The following PROX1 variants were observed in gnomAD, a reference collection of about 807,000 sequenced individuals.
PROX1 encodes the protein prospero homeobox 1.
In PROX1, 7 loss-of-function variants were observed where a neutral mutation model predicts 58.8. The ratio of observed to expected loss-of-function variants is 0.12; its 90% CI spans 0.07 to 0.22. The LOEUF (loss-of-function observed/expected upper bound fraction) is 0.22. PROX1 is among the 10% of genes least tolerant of loss of function. The pLI, the probability that PROX1 is intolerant of heterozygous loss-of-function variation, is 1.00. For missense variants in PROX1, 675 were observed against 927.8 expected (o/e 0.73, Z 3.54); for synonymous variants, 350 against 358.3 (o/e 0.98, Z 0.26).
rs750998611 is a variant in PROX1, at chr1:213,996,892, A to G, written c.357A>G (p.Thr119=). The G allele has an allele frequency of 6.2e-7, 1 of 1,614,102 alleles. No individual in the cohort carries two copies. The highest frequency in any genetic ancestry group is 8.5e-7 in the Non-Finnish European group (1 of 1,180,018). The part of the protein sequence containing the change: ...PSFQASGLSS[T]GSEVHQEDIC... Reference sequence around the variant, plus strand: ...TCCAAGCCAGCGGTCTCTCTAGTACAGGCTCCGAAGTACATCAGGAGGATA... The same window carrying G: ...TCCAAGCCAGCGGTCTCTCTAGTACGGGCTCCGAAGTACATCAGGAGGATA... The change falls in exon 2 of 5, where the codon ACA becomes ACG. Residue 119 remains threonine (T), a synonymous_variant. Transcript: ENST00000366958.
upstream of PROX1, among the ~76,000 whole-genome samples, chr1:213,983,633 G>T (rs1017441914): frequency 6.6e-6 from 1 of 152,156 alleles, no homozygotes; most frequent in Non-Finnish European, 1.5e-5. Context: ...AAGATGGTGG[G>T]CAAGAGTGTT....
At chr1:214,026,517 G>A (rs1394565749) in intron 4 of PROX1, among the ~76,000 whole-genome samples, 2 of 152,130 alleles carry the variant, frequency 1.3e-5, no homozygotes, top group African/African-American at 4.8e-5. Flanking sequence ...ATTAAACGTA[G>A]AATAGAAGAT....
Position 214,039,863 on chromosome 1 carries a change from G to C in PROX1, c.*4029G>C, listed in dbSNP as rs1212183992. 2 of 151,394 alleles carry C rather than the reference G, an allele frequency of 1.3e-5. No homozygotes were observed. The highest frequency in any genetic ancestry group is 4.9e-5 in the African/African-American group (2 of 41,124). 9.4% of individuals were successfully genotyped at this position (151,394 alleles called of 1,614,324 possible). ...CACACTGTCATAAAGCTAATGATTTGGGGACTTTAAAAAATAGGATGTCCT... is the reference window on the plus strand; with the variant it reads ...CACACTGTCATAAAGCTAATGATTTCGGGACTTTAAAAAATAGGATGTCCT... On this transcript the variant is annotated 3_prime_UTR_variant, in exon 5 of 5. Coordinates refer to ENST00000366958, the MANE Select transcript of PROX1 (RefSeq NM_001270616.2).
Position 214,040,585 on chromosome 1 carries a change from A to G in PROX1, c.*4751A>G, listed in dbSNP as rs1664978087. 2.6e-5 allele frequency: 4 copies of G among 152,166 alleles called. No individual in the cohort carries two copies. Among genetic ancestry groups the G allele is most frequent in the African/African-American group, 7.2e-5 (3 of 41,454 alleles). The allele number at this position is 152,166 out of a possible 1,614,324, so 9.4% of individuals were successfully genotyped here. A position where few individuals can be genotyped will look rare whatever the true frequency, so the allele number is the denominator to read the frequency against. ...GAATCAAAGGTCATGGCTTCCCTCAATATTGTCCCAGCCATTTCTCATATG... is the reference window on the plus strand; with the variant it reads ...GAATCAAAGGTCATGGCTTCCCTCAGTATTGTCCCAGCCATTTCTCATATG... On this transcript the variant is annotated 3_prime_UTR_variant, in exon 5 of 5. Coordinates refer to ENST00000366958, the MANE Select transcript of PROX1 (RefSeq NM_001270616.2).
At chr1:214,025,429 C>A (rs934109221) in intron 4 of PROX1, among the ~76,000 whole-genome samples, 1 of 152,166 alleles carries the variant, frequency 6.6e-6, no homozygotes, top group African/African-American at 2.4e-5. Flanking sequence ...CAGAGCTGCC[C>A]CTCAATCTGT....
chr1:214,002,312 T>C (rs1013330007), intron 2 of PROX1, among the ~76,000 whole-genome samples: 7 of 152,190 alleles, frequency 4.6e-5, no homozygotes, highest in African/African-American at 1.7e-4. Flanking sequence ...CTGCTTTACG[T>C]TCAGCTGCAG....
chr1:213,998,575 T>TA (rs1054571176), intron 2 of PROX1, among the ~76,000 whole-genome samples: 15 of 151,996 alleles, frequency 9.9e-5, no homozygotes, highest in South Asian at 6.2e-4. Context: ...CCCTATCTCT[T>TA]AAAAAAAATA....
At chr1:214,017,567 TAA>T (rs397937784) in intron 4 of PROX1, among the ~76,000 whole-genome samples, 2 of 144,254 alleles carry the variant, frequency 1.4e-5, no homozygotes, top group Non-Finnish European at 1.5e-5. Context: ...TTTCTCTCTT[TAA>T]AAAAAAAAAA....
intron 1 of PROX1, among the ~76,000 whole-genome samples, chr1:213,990,053 C>A (rs1257232468): frequency 6.7e-6 from 1 of 149,644 alleles, no homozygotes; most frequent in East Asian, 2.0e-4. Context: ...ACAGAGGAAG[C>A]ACAGGGTGGC....
chr1:214,007,351 T>C (rs1663752963), intron 3 of PROX1, among the ~76,000 whole-genome samples: 1 of 152,198 alleles, frequency 6.6e-6, no homozygotes, highest in Admixed American at 6.5e-5. Context: ...CTACCAATTA[T>C]CCACTGTAAT....
rs1664892774 is a variant in PROX1 at position 214,038,246 on chromosome 1, T to C, written c.*2412T>C. 1 of 152,244 alleles carries C rather than the reference T, an allele frequency of 6.6e-6. No individual in the cohort carries two copies. Among genetic ancestry groups the C allele is most frequent in the Non-Finnish European group, 1.5e-5 (1 of 68,046 alleles). The allele number at this position is 152,244 out of a possible 1,614,324, so 9.4% of individuals were successfully genotyped here. ...CAGAGTAGAAATTGCAGCATGAGGA[T>C]AAACTCACCTCTTTGTTCTGAAAAT... On this transcript the variant is annotated 3_prime_UTR_variant, in exon 5 of 5. Coordinates refer to ENST00000366958, the MANE Select transcript of PROX1 (RefSeq NM_001270616.2).
chr1:214,015,243 G>T (rs1273613374), intron 4 of PROX1, among the ~76,000 whole-genome samples: 1 of 152,140 alleles, frequency 6.6e-6, no homozygotes, highest in African/African-American at 2.4e-5. Context: ...ACCGGGTGGG[G>T]TGTCTTGCTT....
intron 3 of PROX1, among the ~76,000 whole-genome samples, chr1:214,006,381 G>A (rs896775689): frequency 1.3e-5 from 2 of 152,124 alleles, no homozygotes; most frequent in Non-Finnish European, 2.9e-5. Context: ...TTTCCCTCCT[G>A]TTTGCTTTTG....
At chr1:214,017,342 C>T (rs992862422) in intron 4 of PROX1, among the ~76,000 whole-genome samples, 1 of 152,092 alleles carries the variant, frequency 6.6e-6, no homozygotes, top group African/African-American at 2.4e-5. Flanking sequence ...GATTGTTCCT[C>T]GGCACAGAGA....
chr1:214,022,567 C>G (rs1664318240), intron 4 of PROX1, among the ~76,000 whole-genome samples: 1 of 152,180 alleles, frequency 6.6e-6, no homozygotes, highest in African/African-American at 2.4e-5. Context: ...AAAGGCGACA[C>G]TAGCCTGGAA....
At chr1:213,994,912 T>TA (rs891198089) in intron 1 of PROX1, among the ~76,000 whole-genome samples, 4 of 151,332 alleles carry the variant, frequency 2.6e-5, no homozygotes, top group African/African-American at 7.3e-5. Flanking sequence ...CACTGTCACT[T>TA]AAAAAAATAT....
Position 213,997,591 on chromosome 1 carries a change from G to C in PROX1, c.1056G>C (p.Leu352Phe), listed in dbSNP as rs1226904497. Residue 352 changes from leucine to phenylalanine, a missense_variant, in exon 2 of 5, where the codon TTG becomes TTC. This residue lies in a region of PROX1 where 403 missense variants were observed against 477.4 expected (regional missense o/e 0.84). Coordinates refer to ENST00000366958, the MANE Select transcript of PROX1 (RefSeq NM_001270616.2). This position sits in a 1 kb window ranked among gnomAD's most constrained non-coding sequence, Gnocchi z 7.1. ...AAGGCAAACATTTGGCTGAGACCTT[G>C]AAACAGGAACTGAACACTGCCATGT... ...QPEGKHLAETLKQELNTAMSQ... is the reference protein window; with the variant it reads ...QPEGKHLAETFKQELNTAMSQ... The C allele has an allele frequency of 6.2e-7, 1 of 1,614,198 alleles. No individual in the cohort carries two copies. The highest frequency in any genetic ancestry group is 8.5e-7 in the Non-Finnish European group (1 of 1,180,034).
At chr1:213,989,100 A>G (rs2102675203) in intron 1 of PROX1, among the ~76,000 whole-genome samples, 1 of 151,486 alleles carries the variant, frequency 6.6e-6, no homozygotes, top group Middle Eastern at 3.4e-3. Context: ...CATACCTTTC[A>G]CTTCTCCTTT....
chr1:214,031,536 A>G (rs1004171362), intron 4 of PROX1, among the ~76,000 whole-genome samples: 1 of 151,934 alleles, frequency 6.6e-6, no homozygotes, highest in African/African-American at 2.4e-5. Flanking sequence ...CAGTGACTTG[A>G]TTGACTGTTA....
Sources: gnomAD v4.1 joint callset for allele counts (sites outside exome capture counted in the v4.1 genomes callset) on GRCh38, gnomAD v4.1.1 for gene constraint, gnomAD v4.1.1 regional missense constraint, Gnocchi (gnomAD v3.1) non-coding constraint, MANE v1.5 for transcripts, NCBI Gene and HGNC (gene_info 2026-07-23, HGNC 2026-07-21) for gene names.